The following EFNA5 variants were observed in gnomAD, a reference collection of about 807,000 sequenced individuals.
The protein encoded by EFNA5 is ephrin A5, also known as ephrin-A5.
A neutral mutation model predicts 22.9 loss-of-function variants in EFNA5; 5 were observed. That is an observed-to-expected ratio of 0.22 (90% CI 0.11 to 0.46). The LOEUF (loss-of-function observed/expected upper bound fraction) is 0.46. EFNA5 is among the 20% of genes least tolerant of loss of function. EFNA5 has a pLI of 0.99. For synonymous variants in EFNA5, 113 were observed against 112.2 expected (o/e 1.01, Z -0.04); for missense variants, 237 against 293.3 (o/e 0.81, Z 1.40).
intron 1 of EFNA5, among the ~76,000 whole-genome samples, chr5:107,565,828 G>C (rs184525095): frequency 6.6e-6 from 1 of 152,310 alleles, no homozygotes; most frequent in African/African-American, 2.4e-5. Flanking sequence ...AATAAGAGCT[G>C]AGTCAATCTA....
intron 2 of EFNA5, among the ~76,000 whole-genome samples, chr5:107,417,425 G>A (rs575900800): frequency 6.6e-6 from 1 of 152,120 alleles, no homozygotes; most frequent in East Asian, 1.9e-4. Context: ...TATACAATCT[G>A]ACTTAAAATA....
chr5:107,646,485 T>C (rs921632389), intron 1 of EFNA5, among the ~76,000 whole-genome samples: 10 of 152,144 alleles, frequency 6.6e-5, no homozygotes, highest in African/African-American at 2.4e-4. Flanking sequence ...CCAAGTAGAT[T>C]ATAAGTATCT....
At chr5:107,409,238 G>A in intron 2 of EFNA5, among the ~76,000 whole-genome samples, 1 of 152,336 alleles carries the variant, frequency 6.6e-6, no homozygotes, top group South Asian at 2.1e-4. Flanking sequence ...AGCGCTAGAA[G>A]CACCTACATT....
At chr5:107,666,574 G>C (rs1396721391) in intron 1 of EFNA5, among the ~76,000 whole-genome samples, 1 of 152,094 alleles carries the variant, frequency 6.6e-6, no homozygotes, top group African/African-American at 2.4e-5. Context: ...GACTTACACA[G>C]ATATTTTCCT....
At chr5:107,430,814 G>T (rs1281762489) in intron 1 of EFNA5, among the ~76,000 whole-genome samples, 2 of 128,860 alleles carry the variant, frequency 1.6e-5, no homozygotes, top group Non-Finnish European at 1.6e-5. Flanking sequence ...GTTTCACTCT[G>T]TTACCAGGCT....
intron 1 of EFNA5, among the ~76,000 whole-genome samples, chr5:107,486,483 G>A (rs1746625414): frequency 6.6e-6 from 1 of 152,280 alleles, no homozygotes; most frequent in African/African-American, 2.4e-5. Flanking sequence ...GGTAACTTAT[G>A]GAAATCCTGA....
Position 107,642,446 on chromosome 5 carries a change from T to C in EFNA5, c.125+28043A>G, listed in dbSNP as rs545833456. ...TATCATTTTGTAGACCATAGATATA[T>C]ACAATTTTTGTCAACTAAAAAAAAA... On this transcript the variant is annotated intron_variant, in intron 1 of 4. Coordinates refer to ENST00000333274, the MANE Select transcript of EFNA5 (RefSeq NM_001962.3). 1.3e-4 allele frequency among the ~76,000 whole-genome samples: 19 copies of C among 142,232 alleles called. 1 individual carries two copies. The South Asian group carries it at 1.8e-3, about 13-fold the overall frequency. 93.3% of individuals were successfully genotyped at this position (142,232 alleles called of 152,430 possible).
chr5:107,397,647 C>T (rs1326377154), intron 2 of EFNA5, among the ~76,000 whole-genome samples: 14 of 152,086 alleles, frequency 9.2e-5, no homozygotes. Context: ...CTCCCCAATG[C>T]CTATCATTTC....
intron 1 of EFNA5, among the ~76,000 whole-genome samples, chr5:107,472,999 C>A (rs1262722954): frequency 6.6e-6 from 1 of 152,162 alleles, no homozygotes; most frequent in Non-Finnish European, 1.5e-5. Flanking sequence ...TCTCCCTCCC[C>A]CCAGCACCTG....
At chr5:107,566,960 T>C (rs1195093032) in intron 1 of EFNA5, among the ~76,000 whole-genome samples, 2 of 152,230 alleles carry the variant, frequency 1.3e-5, no homozygotes, top group Non-Finnish European at 2.9e-5. Flanking sequence ...AGCATAACCT[T>C]ACTACAGTTT....
intron 1 of EFNA5, among the ~76,000 whole-genome samples, chr5:107,581,517 A>G (rs556198058): frequency 2.3e-4 from 35 of 152,342 alleles, no homozygotes; most frequent in Non-Finnish European, 4.1e-4. Context: ...TTCAGTTTCA[A>G]TGAAAAGTGT....
At chr5:107,387,606 A>G (rs770781652) in intron 3 of EFNA5, 100 bp downstream of exon 3, 1 of 801,458 alleles carries the variant, frequency 1.2e-6, no homozygotes, top group Non-Finnish European at 2.1e-6. Flanking sequence ...ATACCACACA[A>G]GATTTAACAG....
intron 1 of EFNA5, among the ~76,000 whole-genome samples, chr5:107,570,259 T>C (rs570314919): frequency 1.9e-4 from 29 of 152,360 alleles, no homozygotes; most frequent in African/African-American, 6.5e-4. Context: ...CCAAACCCAT[T>C]GCATGTAATT....
chr5:107,452,015 A>T (rs184622218), intron 1 of EFNA5, among the ~76,000 whole-genome samples: 103 of 152,364 alleles, frequency 6.8e-4, no homozygotes, highest in African/African-American at 2.5e-3. Flanking sequence ...AAAATGTGGT[A>T]CGTATATACC....
intron 1 of EFNA5, among the ~76,000 whole-genome samples, chr5:107,472,986 C>T (rs546515296): frequency 1.3e-5 from 2 of 152,280 alleles, no homozygotes; most frequent in East Asian, 3.9e-4. Flanking sequence ...ATGGAGCCCC[C>T]AGTCTCCCTC....
intron 1 of EFNA5, among the ~76,000 whole-genome samples, chr5:107,471,743 C>G (rs1750147142): frequency 6.6e-6 from 1 of 152,148 alleles, no homozygotes; most frequent in African/African-American, 2.4e-5. Flanking sequence ...TTTACAACAG[C>G]TGAAAAGATG....
chr5:107,386,345 C>T (rs571653009), intron 4 of EFNA5, among the ~76,000 whole-genome samples: 13 of 152,020 alleles, frequency 8.6e-5, no homozygotes, highest in Non-Finnish European at 1.8e-4. Flanking sequence ...TCCAGGCACA[C>T]CCCTCCATAA....
At chr5:107,597,624 G>GA in intron 1 of EFNA5, among the ~76,000 whole-genome samples, 1 of 152,028 alleles carries the variant, frequency 6.6e-6, no homozygotes, top group Non-Finnish European at 1.5e-5. Flanking sequence ...ATATCTCCCA[G>GA]AAAAAAAGTG....
Position 107,639,328 on chromosome 5 carries a change from A to C in EFNA5, c.125+31161T>G, listed in dbSNP as rs189277452. Among the ~76,000 whole-genome samples, 758 of 152,340 alleles carry C rather than the reference A, an allele frequency of 5.0e-3. 4 individuals carry two copies. Among genetic ancestry groups the C allele is most frequent in the African/African-American group, 0.018 (731 of 41,572 alleles). On this transcript the variant is annotated intron_variant, in intron 1 of 4. Transcript: ENST00000333274. ...GCTTAAACAATAGTGCTAGCAGCAG[A>C]AGCTCAGTGAAGTGCTTAAGAGCAC...
Sources: allele counts gnomAD v4.1 joint callset (sites outside exome capture counted in the v4.1 genomes callset), GRCh38; gene constraint gnomAD v4.1.1; transcripts MANE v1.5; gene names NCBI Gene and HGNC (gene_info 2026-07-23, HGNC 2026-07-21).